PRDM5: variants seen among roughly 807,000 people sequenced by gnomAD.
PRDM5 encodes PR domain zinc finger protein 5.
In PRDM5, 56 loss-of-function variants were observed where a neutral mutation model predicts 81.2. The ratio of observed to expected loss-of-function variants is 0.69; its 90% CI spans 0.56 to 0.86. The LOEUF is 0.86. Among genes scored for constraint, PRDM5 ranks in the 40% least tolerant of loss-of-function variants. PRDM5 has a pLI of 0.00. For synonymous variants in PRDM5, 267 were observed against 256.4 expected (o/e 1.04, Z -0.39); for missense variants, 697 against 770.1 (o/e 0.91, Z 1.12).
intron 12 of PRDM5, among the ~76,000 whole-genome samples, chr4:120,780,766 G>T (rs542479260): frequency 6.6e-6 from 1 of 152,068 alleles, no homozygotes; most frequent in South Asian, 2.1e-4. Flanking sequence ...ATAAACATAA[G>T]AATTCACTTT....
At chr4:120,815,491 C>T (rs372829400) in intron 7 of PRDM5, among the ~76,000 whole-genome samples, 93 of 152,322 alleles carry the variant, frequency 6.1e-4, no homozygotes, top group African/African-American at 2.0e-3. Flanking sequence ...CAGTTGTTCA[C>T]GCTAGCCTCT....
At chr4:120,785,195 G>A (rs1749605271) in intron 10 of PRDM5, 104 bp from the exon 11 acceptor site, 7 of 868,778 alleles carry the variant, frequency 8.1e-6, no homozygotes, top group South Asian at 1.4e-5. Flanking sequence ...AGAAGGGAAG[G>A]TGGACAGTAT....
At chr4:120,764,465 GA>G (rs1746089248) in intron 13 of PRDM5, among the ~76,000 whole-genome samples, 1 of 151,596 alleles carries the variant, frequency 6.6e-6, no homozygotes, top group Admixed American at 6.6e-5. Flanking sequence ...TGATATTTTT[GA>G]AGAAAGAAAA....
In PRDM5 at chr4:120,693,356, C is replaced by T. The variant is rs2148981728; in HGVS notation, c.*1755G>A. 6.6e-6 allele frequency: 1 copy of T among 152,056 alleles called. No individual in the cohort carries two copies. The highest frequency in any genetic ancestry group is 2.1e-4 in the South Asian group (1 of 4,806). The allele number at this position is 152,056 out of a possible 1,614,324, so 9.4% of individuals were successfully genotyped here. A position where few individuals can be genotyped will look rare whatever the true frequency, so the allele number is the denominator to read the frequency against. On this transcript the variant is annotated 3_prime_UTR_variant, in exon 16 of 16. Coordinates refer to ENST00000264808, the MANE Select transcript of PRDM5 (RefSeq NM_018699.4). Reference sequence around the variant, plus strand: ...AATTTTACAGCTGTCTTTTTATATTCAAATGATATTAAACACACTATCATA... The same window carrying T: ...AATTTTACAGCTGTCTTTTTATATTTAAATGATATTAAACACACTATCATA...
intron 15 of PRDM5, among the ~76,000 whole-genome samples, chr4:120,703,176 T>C (rs1412862440): frequency 2.0e-5 from 3 of 152,136 alleles, no homozygotes; most frequent in Admixed American, 6.6e-5. Context: ...ATGTATTTTG[T>C]TTTTTGTTTT....
intron 2 of PRDM5, among the ~76,000 whole-genome samples, chr4:120,906,100 T>C (rs1765764849): frequency 6.6e-6 from 1 of 152,000 alleles, no homozygotes; most frequent in Non-Finnish European, 1.5e-5. Context: ...ACCTCCTGAG[T>C]AGCTGGGACT....
intron 3 of PRDM5, among the ~76,000 whole-genome samples, chr4:120,840,050 G>C (rs935507150): frequency 4.6e-5 from 7 of 152,222 alleles, no homozygotes; most frequent in Admixed American, 4.6e-4. Context: ...TTCAGAGCCT[G>C]CAAGCAGCAC....
chr4:120,875,406 A>G (rs1308371509), intron 2 of PRDM5, among the ~76,000 whole-genome samples: 2 of 152,250 alleles, frequency 1.3e-5, no homozygotes, highest in African/African-American at 4.8e-5. Flanking sequence ...ATTAGTGTAC[A>G]GGAGGGGAGT....
intron 7 of PRDM5, among the ~76,000 whole-genome samples, chr4:120,813,804 C>T (rs1754151451): frequency 6.6e-6 from 1 of 152,158 alleles, no homozygotes; most frequent in South Asian, 2.1e-4. Flanking sequence ...TCCTTTATTG[C>T]CCTGTCCTAG....
At chr4:120,709,101 T>C (rs766954747) in intron 15 of PRDM5, among the ~76,000 whole-genome samples, 3 of 152,092 alleles carry the variant, frequency 2.0e-5, no homozygotes, top group Non-Finnish European at 4.4e-5. Flanking sequence ...CCTAAGGAAA[T>C]ATCCAACAAA....
chr4:120,828,028 T>C (rs1756234772), intron 3 of PRDM5, among the ~76,000 whole-genome samples: 1 of 152,104 alleles, frequency 6.6e-6, no homozygotes, highest in East Asian at 1.9e-4. Flanking sequence ...TTCTAGTTTT[T>C]CATGTACTTT....
chr4:120,738,597 T>C (rs1741452570), intron 14 of PRDM5, among the ~76,000 whole-genome samples: 1 of 152,138 alleles, frequency 6.6e-6, no homozygotes, highest in Non-Finnish European at 1.5e-5. Context: ...TGATAGTATA[T>C]TTTTTTAAAC....
At chr4:120,734,134 C>T (rs186349158) in intron 14 of PRDM5, among the ~76,000 whole-genome samples, 14 of 152,080 alleles carry the variant, frequency 9.2e-5, no homozygotes, top group South Asian at 4.2e-4. Flanking sequence ...GGGGCACGGG[C>T]GGGGCAGACG....
intron 10 of PRDM5, 71 bp downstream of exon 10, chr4:120,798,196 T>A (rs932894651): frequency 8.2e-7 from 1 of 1,226,644 alleles, no homozygotes; most frequent in African/African-American, 1.5e-5. Context: ...ACAAAAGCTT[T>A]ATCAAAAATA....
intron 9 of PRDM5, among the ~76,000 whole-genome samples, chr4:120,799,364 A>G (rs1751797124): frequency 6.6e-6 from 1 of 152,236 alleles, no homozygotes; most frequent in Non-Finnish European, 1.5e-5. Context: ...AAAGGTAGGC[A>G]CCAGTATCCC....
chr4:120,807,256 T>C (rs944824507), intron 8 of PRDM5, among the ~76,000 whole-genome samples: 1 of 152,260 alleles, frequency 6.6e-6, no homozygotes, highest in African/African-American at 2.4e-5. Context: ...TTGGTGGGAC[T>C]GTAAATTAGT....
chr4:120,712,763 T>G (rs1271155437), intron 14 of PRDM5, among the ~76,000 whole-genome samples: 1 of 152,254 alleles, frequency 6.6e-6, no homozygotes, highest in African/African-American at 2.4e-5. Flanking sequence ...CTTTCATTTT[T>G]GTGAACATAT....
chr4:120,754,487 A>G lies in PRDM5; in HGVS notation c.1623+66T>C, dbSNP rs1312068531. 4.5e-6 allele frequency: 5 copies of G among 1,110,724 alleles called. No individual in the cohort carries two copies. In the East Asian group the frequency reaches 1.0e-4, roughly 23 times the overall value. The allele number at this position is 1,110,724 out of a possible 1,614,324, so 68.8% of individuals were successfully genotyped here. ...CCTTTATTTTGTAATATAAAGTTAA[A>G]TATATTTCTTTTAAAATAAGTATGG... On this transcript the variant is annotated intron_variant, in intron 14 of 15. Transcript: ENST00000264808.
intron 8 of PRDM5, among the ~76,000 whole-genome samples, chr4:120,800,664 G>A (rs1202365238): frequency 2.6e-5 from 4 of 152,050 alleles, no homozygotes; most frequent in East Asian, 1.9e-4. Flanking sequence ...TGATAATAGC[G>A]TATTATATTC....
Sources: allele counts gnomAD v4.1 joint callset (sites outside exome capture counted in the v4.1 genomes callset), GRCh38; gene constraint gnomAD v4.1.1; transcripts MANE v1.5; gene names NCBI Gene and HGNC (gene_info 2026-07-23, HGNC 2026-07-21).